SMARCA2: variants seen among roughly 807,000 people sequenced by gnomAD.
SMARCA2 encodes SWI/SNF related BAF chromatin remodeling complex subunit ATPase 2.
A neutral mutation model predicts 199.8 loss-of-function variants in SMARCA2; 61 were observed. The observed-to-expected ratio is 0.31, with a 90% CI of 0.25 to 0.38. The LOEUF (loss-of-function observed/expected upper bound fraction) is 0.38, where lower values mean the gene tolerates loss of function less well. Among genes scored for constraint, SMARCA2 ranks in the 10% least tolerant of loss-of-function variants. The probability of loss-of-function intolerance (pLI) is 1.00; values close to 1 mark genes in which losing one functional copy is unlikely to be tolerated. For missense variants in SMARCA2, 1,344 were observed against 2,012.2 expected, an observed-to-expected ratio of 0.67 and a Z score of 6.35; for synonymous variants, 935 against 732.0, an observed-to-expected ratio of 1.28 and a Z score of -4.48.
At position 2,097,552 on chromosome 9, in the gene SMARCA2, A is replaced by T. The variant is rs1396686971; in HGVS notation, c.3078+81A>T. The T allele has an allele frequency of 7.3e-6, 6 of 824,356 alleles. No individual in the cohort carries two copies. The African/African-American group carries it at 9.0e-5, about 12-fold the overall frequency. The allele number at this position is 824,356 out of a possible 1,614,324, so 51.1% of individuals were successfully genotyped here. Reference sequence around the variant, plus strand: ...TAAAAAAAAACAAACAAACAGGAAAAAAAAAAACCAAAATAGATTTAAAAC... The same window carrying T: ...TAAAAAAAAACAAACAAACAGGAAATAAAAAAACCAAAATAGATTTAAAAC... On this transcript the variant is annotated intron_variant, in intron 21 of 33. Coordinates refer to ENST00000349721, the MANE Select transcript of SMARCA2 (RefSeq NM_003070.5).
intron 9 of SMARCA2, among the ~76,000 whole-genome samples, chr9:2,069,491 G>A (rs1411972483): frequency 5.3e-5 from 8 of 151,484 alleles, no homozygotes; most frequent in African/African-American, 1.7e-4. Context: ...CACGGGAGGC[G>A]GAGCTTGCAG....
chr9:2,059,425 C>G (rs570015132), intron 8 of SMARCA2, among the ~76,000 whole-genome samples: 17 of 152,154 alleles, frequency 1.1e-4, no homozygotes, highest in Non-Finnish European at 2.1e-4. Flanking sequence ...CTGCCTCCCT[C>G]TCCATACCAG....
At chr9:2,116,486 G>C (rs1042793174) in intron 25 of SMARCA2, among the ~76,000 whole-genome samples, 4 of 152,172 alleles carry the variant, frequency 2.6e-5, no homozygotes, top group Admixed American at 6.5e-5. Context: ...GCTTCAACAT[G>C]TTTGTAGGAC....
rs551724622 is a variant in SMARCA2 at position 2,157,645 on chromosome 9, T to A, written c.3982-4041T>A. 1.0e-4 allele frequency: 39 copies of A among 372,388 alleles called. No homozygotes were observed. In the South Asian group the frequency reaches 1.3e-3, roughly 13 times the overall value. 23.1% of individuals were successfully genotyped at this position (372,388 alleles called of 1,614,324 possible). A position where few individuals can be genotyped will look rare whatever the true frequency, so the allele number is the denominator to read the frequency against. On this transcript the variant is annotated intron_variant, in intron 27 of 33. Transcript: ENST00000349721. Reference sequence around the variant, plus strand: ...TCCTTTCAGTGTTAAGATGGTTTGTTCCACTGTAAGGACTGTGCCACATGG... The same window carrying A: ...TCCTTTCAGTGTTAAGATGGTTTGTACCACTGTAAGGACTGTGCCACATGG...
At position 2,096,708 on chromosome 9, in the gene SMARCA2, C is replaced by T. The variant is rs1306474481; in HGVS notation, c.2935C>T (p.Arg979Cys). Reference sequence around the variant, plus strand: ...GTCAGCTCTGCAGAAGATTCTGTATCGCCATATGCAAGCCAAGGGGATCCT... The same window carrying T: ...GTCAGCTCTGCAGAAGATTCTGTATTGCCATATGCAAGCCAAGGGGATCCT... ...DMSALQKILY[R>C]HMQAKGILLT... Residue 979 changes from arginine (R) to cysteine (C), a missense_variant, in exon 20 of 34, where the codon CGC (arginine) becomes TGC (cysteine). By Grantham distance (180) the Arg-to-Cys change is radical (BLOSUM62 -3). Coordinates refer to ENST00000349721, the MANE Select transcript of SMARCA2 (RefSeq NM_003070.5). 1.2e-6 allele frequency: 2 copies of T among 1,613,882 alleles called. No homozygotes were observed. The highest frequency in any genetic ancestry group is 1.1e-5 in the South Asian group (1 of 91,080).
At chr9:2,114,706 A>C (rs7040174) in intron 24 of SMARCA2, among the ~76,000 whole-genome samples, 52,154 of 152,060 alleles carry the variant, frequency 0.34, 11,246 homozygotes, top group African/African-American at 0.62. Flanking sequence ...TTTATTTAAA[A>C]ATTTCATGAA....
At chr9:2,025,507 G>T (rs1456993910) in intron 1 of SMARCA2, among the ~76,000 whole-genome samples, 1 of 152,154 alleles carries the variant, frequency 6.6e-6, no homozygotes, top group South Asian at 2.1e-4. Context: ...GCCCTGTGAA[G>T]TCCATCTGGG....
At chr9:2,130,785 G>T (rs1247576951) in intron 27 of SMARCA2, among the ~76,000 whole-genome samples, 1 of 151,962 alleles carries the variant, frequency 6.6e-6, no homozygotes, top group East Asian at 1.9e-4. Flanking sequence ...ATAATTTCTT[G>T]GAAACATATA....
Position 2,065,087 on chromosome 9 carries a change from A to G in SMARCA2, c.1692+4101A>G, listed in dbSNP as rs568682905. On this transcript the variant is annotated intron_variant, in intron 9 of 33. Coordinates refer to ENST00000349721, the MANE Select transcript of SMARCA2 (RefSeq NM_003070.5). ...GTAGTCCCAGCTACTCAGGAGGCTG[A>G]GGTGAGAGAATGGTGTGAACCCAGG... 1.3e-4 allele frequency among the ~76,000 whole-genome samples: 20 copies of G among 152,226 alleles called. No individual in the cohort carries two copies. The East Asian group carries it at 3.7e-3, about 28-fold the overall frequency.
chr9:2,094,057 C>T (rs994440694), intron 19 of SMARCA2, among the ~76,000 whole-genome samples: 8 of 152,098 alleles, frequency 5.3e-5, no homozygotes, highest in African/African-American at 1.9e-4. Context: ...TGGGAAAGAT[C>T]TTAAAAAGGG....
At chr9:2,018,658 C>T (rs1999979) in intron 1 of SMARCA2, among the ~76,000 whole-genome samples, 1,856 of 152,304 alleles carry the variant, frequency 0.012, 53 homozygotes, top group African/African-American at 0.043. Flanking sequence ...GAACAGAATG[C>T]TTGCATAAAT....
At position 2,191,293 on chromosome 9, in the gene SMARCA2, T is replaced by C; in HGVS notation, c.4622T>C (p.Leu1541Pro). The C allele has an allele frequency of 6.2e-7, 1 of 1,613,806 alleles. No individual in the cohort carries two copies. Among genetic ancestry groups the C allele is most frequent in the Non-Finnish European group, 8.5e-7 (1 of 1,179,964 alleles). The change falls in exon 33 of 34, where the codon CTC becomes CCC. Residue 1541 changes from leucine to proline, a missense_variant. Coordinates refer to ENST00000349721, the MANE Select transcript of SMARCA2 (RefSeq NM_003070.5). ...EAKSVKVKIK[L>P]NKKDDKGRDK... ...AAATCAGTCAAGGTGAAAATTAAGC[T>C]CAATAAAAAAGATGACAAAGGCCGG...
intron 14 of SMARCA2, among the ~76,000 whole-genome samples, chr9:2,078,498 G>C (rs1222792435): frequency 6.6e-6 from 1 of 151,418 alleles, no homozygotes; most frequent in African/African-American, 2.4e-5. Flanking sequence ...CAATAAAATT[G>C]TGAGCATCTG....
chr9:2,175,765 T>C (rs1273363439), intron 29 of SMARCA2, among the ~76,000 whole-genome samples: 1 of 152,260 alleles, frequency 6.6e-6, no homozygotes, highest in Non-Finnish European at 1.5e-5. Context: ...TTTTTCATTA[T>C]GCTTTGGCAT....
chr9:2,050,041 G>C (rs1820047941), intron 5 of SMARCA2, among the ~76,000 whole-genome samples: 2 of 152,194 alleles, frequency 1.3e-5, no homozygotes, highest in Admixed American at 1.3e-4. Flanking sequence ...TATGAAATTT[G>C]ACAGGAAGTT....
At chr9:2,125,913 G>T (rs1287949033) in intron 27 of SMARCA2, among the ~76,000 whole-genome samples, 7 of 152,218 alleles carry the variant, frequency 4.6e-5, no homozygotes, top group Non-Finnish European at 8.8e-5. Flanking sequence ...ATTGGGAATT[G>T]CCCTGAAGAA....
chr9:2,183,182 G>C (rs1374453444), intron 31 of SMARCA2, among the ~76,000 whole-genome samples: 2 of 152,130 alleles, frequency 1.3e-5, no homozygotes, highest in African/African-American at 4.8e-5. Flanking sequence ...CTTTTTTGGA[G>C]ATTGTATATT....
intron 6 of SMARCA2, chr9:2,055,576 G>A (rs1820316669): frequency 6.6e-6 from 1 of 152,196 alleles, no homozygotes; most frequent in African/African-American, 2.4e-5. Flanking sequence ...TTGGTTTGTT[G>A]GAGGATGTGA....
Position 2,182,478 on chromosome 9 carries a change from CTTTTTTTTTTTT to C in SMARCA2, c.4461+252_4461+263del, listed in dbSNP as rs145095906. Among the ~76,000 whole-genome samples the C allele has an allele frequency of 8.3e-5, 8 of 96,712 alleles. No homozygotes were observed. In the East Asian group the frequency reaches 1.3e-3, roughly 16 times the overall value. The allele number at this position is 96,712 out of a possible 152,430, so 63.4% of individuals were successfully genotyped here. ...CACACTTCTTTTCAAAGCTTATAGTCTTTTTTTTTTTTTTTTTTTTTTTTTTTCCTTTTTTGA... is the reference window on the plus strand; with the variant it reads ...CACACTTCTTTTCAAAGCTTATAGTCTTTTTTTTTTTTTTTCCTTTTTTGA... On this transcript the variant is annotated intron_variant, in intron 31 of 33. Coordinates refer to ENST00000349721, the MANE Select transcript of SMARCA2 (RefSeq NM_003070.5).
Sources: allele counts gnomAD v4.1 joint callset (sites outside exome capture counted in the v4.1 genomes callset), GRCh38; gene constraint gnomAD v4.1.1; transcripts MANE v1.5; gene names NCBI Gene and HGNC (gene_info 2026-07-23, HGNC 2026-07-21).